Variants in SGSM1 observed in about 807,000 individuals in gnomAD.
SGSM1 encodes RUN and TBC1 domain containing 2.
Under a neutral mutation model 133.8 loss-of-function variants are expected in SGSM1, and 73 were observed. The ratio of observed to expected loss-of-function variants is 0.55; its 90% CI spans 0.45 to 0.66. SGSM1 has a LOEUF of 0.66. SGSM1 is among the 30% of genes least tolerant of loss of function. SGSM1 has a pLI of 0.00. For synonymous variants in SGSM1, 563 were observed against 573.0 expected (o/e 0.98, Z 0.25); for missense variants, 1,213 against 1,448.1 (o/e 0.84, Z 2.64).
chr22:24,923,856 A>T (rs1474812270), intron 24 of SGSM1, among the ~76,000 whole-genome samples: 1 of 152,164 alleles, frequency 6.6e-6, no homozygotes, highest in African/African-American at 2.4e-5. Flanking sequence ...TCCCGACCTC[A>T]GGTGATCCAC....
intron 23 of SGSM1, among the ~76,000 whole-genome samples, chr22:24,918,707 G>A (rs556381978): frequency 2.0e-5 from 3 of 152,034 alleles, no homozygotes; most frequent in South Asian, 2.1e-4. Flanking sequence ...CAAGTTTATC[G>A]GACATAGGAA....
At chr22:24,884,775 C>T (rs1307182025) in intron 15 of SGSM1, among the ~76,000 whole-genome samples, 1 of 152,152 alleles carries the variant, frequency 6.6e-6, no homozygotes, top group Non-Finnish European at 1.5e-5. Context: ...GGCCCCACAG[C>T]TTGACTAATT....
chr22:24,850,925 G>A (rs761869547), intron 5 of SGSM1, among the ~76,000 whole-genome samples: 2 of 151,964 alleles, frequency 1.3e-5, no homozygotes, highest in African/African-American at 4.8e-5. Context: ...GTGAAACCCC[G>A]TCTCTACTAA....
chr22:24,864,216 A>C (rs189398559), intron 9 of SGSM1, among the ~76,000 whole-genome samples: 268 of 152,280 alleles, frequency 1.8e-3, no homozygotes, highest in Admixed American at 6.0e-3. Flanking sequence ...GCAGCAGTGG[A>C]ACCCTCCTAC....
At chr22:24,812,907 A>G (rs1927831023) in intron 2 of SGSM1, among the ~76,000 whole-genome samples, 1 of 152,224 alleles carries the variant, frequency 6.6e-6, no homozygotes, top group Admixed American at 6.5e-5. Flanking sequence ...GTCTTTGCTC[A>G]TATGCCCTCA....
At chr22:24,809,160 G>A (rs1423438711) in intron 2 of SGSM1, among the ~76,000 whole-genome samples, 1 of 152,168 alleles carries the variant, frequency 6.6e-6, no homozygotes, top group Non-Finnish European at 1.5e-5. Context: ...CGTCTCCCCT[G>A]TCCTTTCCTT....
At chr22:24,875,870 C>T (rs1280334244) in intron 12 of SGSM1, among the ~76,000 whole-genome samples, 1 of 152,126 alleles carries the variant, frequency 6.6e-6, no homozygotes, top group East Asian at 1.9e-4. Context: ...CAGGAATCAC[C>T]AGTGTCCAAA....
chr22:24,897,401 G>A (rs1322584620), intron 18 of SGSM1, among the ~76,000 whole-genome samples: 1 of 152,170 alleles, frequency 6.6e-6, no homozygotes, highest in Non-Finnish European at 1.5e-5. Flanking sequence ...ACAAAACAGA[G>A]TCAACTGCAG....
At position 24,806,624 on chromosome 22, in the gene SGSM1, A is replaced by T. The variant is rs1927405173; in HGVS notation, c.63+140A>T. The T allele has an allele frequency of 2.9e-6, 3 of 1,017,456 alleles. No homozygotes were observed. In the East Asian group the frequency reaches 9.8e-5, roughly 33 times the overall value. 63.0% of individuals were successfully genotyped at this position (1,017,456 alleles called of 1,614,324 possible). Reference sequence around the variant, plus strand: ...GTGGGGCTCACCTGGGTGGGCATTGACCTCCCGCAGGGCAGGAGGCGCAGC... The same window carrying T: ...GTGGGGCTCACCTGGGTGGGCATTGTCCTCCCGCAGGGCAGGAGGCGCAGC... On this transcript the variant is annotated intron_variant, in intron 2 of 24. Transcript: ENST00000400358.
At chr22:24,894,266 G>A (rs576919902) in intron 17 of SGSM1, among the ~76,000 whole-genome samples, 2 of 152,166 alleles carry the variant, frequency 1.3e-5, no homozygotes, top group Admixed American at 6.5e-5. Flanking sequence ...TTAGCTGAGC[G>A]CCTGTAATCC....
In SGSM1 at chr22:24,866,982, C is replaced by T. The variant is rs1931492401; in HGVS notation, c.927-111C>T. Reference sequence around the variant, plus strand: ...CAGGCTGGGACACAGATGCTGGGGACCTAATGGGAAGGGTGGAGGAGCTCC... The same window carrying T: ...CAGGCTGGGACACAGATGCTGGGGATCTAATGGGAAGGGTGGAGGAGCTCC... On this transcript the variant is annotated intron_variant, in intron 9 of 24. Transcript: ENST00000400358. The T allele has an allele frequency of 5.3e-6, 5 of 948,300 alleles. No individual in the cohort carries two copies. The South Asian group carries it at 7.1e-5, about 13-fold the overall frequency. The allele number at this position is 948,300 out of a possible 1,614,324, so 58.7% of individuals were successfully genotyped here.
chr22:24,858,635 C>CAAAAAAAAAAAAAAAAAAAAA (rs139699), intron 8 of SGSM1, among the ~76,000 whole-genome samples: 3 of 83,030 alleles, frequency 3.6e-5, no homozygotes, highest in African/African-American at 1.1e-4. Context: ...GACTCCATCT[C>CAAAAAAAAAAAAAAAAAAAAA]AAAAAAAAAA....
chr22:24,822,011 A>G (rs1383302879), intron 2 of SGSM1, among the ~76,000 whole-genome samples: 1 of 151,170 alleles, frequency 6.6e-6, no homozygotes, highest in African/African-American at 2.4e-5. Flanking sequence ...GAGGGCATGC[A>G]TCCGCCATCA....
At chr22:24,807,514 T>C (rs1227710082) in intron 2 of SGSM1, among the ~76,000 whole-genome samples, 1 of 151,794 alleles carries the variant, frequency 6.6e-6, no homozygotes, top group African/African-American at 2.4e-5. Flanking sequence ...GATGCATGAG[T>C]CTGCATGAAT....
rs1931387942 is a variant in SGSM1, at chr22:24,865,373, T to C, written c.927-1720T>C. 2.0e-5 allele frequency among the ~76,000 whole-genome samples: 3 copies of C among 152,348 alleles called. No individual in the cohort carries two copies. The South Asian group carries it at 6.2e-4, about 32-fold the overall frequency. The stretch of plus-strand genomic sequence containing the variant: ...GGTATGGGAGGGGCTCAACAGAGGC[T>C]GCTGCCCTTGTGTTCTTGACTGTCC... On this transcript the variant is annotated intron_variant, in intron 9 of 24. Coordinates refer to ENST00000400358, the MANE Select transcript of SGSM1 (RefSeq NM_001098497.3).
intron 2 of SGSM1, among the ~76,000 whole-genome samples, chr22:24,843,115 C>T (rs1014144694): frequency 5.3e-5 from 8 of 152,180 alleles, no homozygotes; most frequent in East Asian, 1.9e-4. Context: ...TTTGCCTCCA[C>T]GAGACTCCAT....
chr22:24,885,564 A>T (rs1932549775), intron 15 of SGSM1, among the ~76,000 whole-genome samples: 1 of 149,796 alleles, frequency 6.7e-6, no homozygotes, highest in Non-Finnish European at 1.5e-5. Flanking sequence ...TCAGCCTCCC[A>T]AGTAGTTGGG....
intron 3 of SGSM1, among the ~76,000 whole-genome samples, chr22:24,846,870 T>G (rs1290476850): frequency 6.6e-6 from 1 of 151,778 alleles, no homozygotes; most frequent in East Asian, 1.9e-4. Flanking sequence ...AGACGGAGTC[T>G]CGCTCTGTCG....
intron 2 of SGSM1, among the ~76,000 whole-genome samples, chr22:24,837,042 GT>G (rs1929470152): frequency 6.6e-6 from 1 of 152,202 alleles, no homozygotes; most frequent in Non-Finnish European, 1.5e-5. Flanking sequence ...GTCTCTCCCT[GT>G]GTGCGGCAAC....
Sources: allele counts gnomAD v4.1 joint callset (sites outside exome capture counted in the v4.1 genomes callset), GRCh38; gene constraint gnomAD v4.1.1; transcripts MANE v1.5; gene names NCBI Gene and HGNC (gene_info 2026-07-23, HGNC 2026-07-21).